The following SNTG1 variants were observed in gnomAD, a reference collection of about 807,000 sequenced individuals.
SNTG1 encodes the protein gamma-1-syntrophin.
A neutral mutation model predicts 74.7 loss-of-function variants in SNTG1; 39 were observed. That is an observed-to-expected ratio of 0.52 (90% CI 0.40 to 0.68). The LOEUF is 0.68. Ranked by LOEUF, SNTG1 falls within the 30% of genes least tolerant of loss-of-function variation. The probability of loss-of-function intolerance (pLI) is 0.00; values close to 1 mark genes in which losing one functional copy is unlikely to be tolerated. For missense variants in SNTG1, 685 were observed against 609.5 expected (o/e 1.12, Z -1.30); for synonymous variants, 254 against 217.1 (o/e 1.17, Z -1.49).
At chr8:49,979,833 T>G (rs1812519883) in intron 1 of SNTG1, among the ~76,000 whole-genome samples, 1 of 152,224 alleles carries the variant, frequency 6.6e-6, no homozygotes. Context: ...TGTGCGTGCG[T>G]GTGTGTGCAG....
At chr8:50,106,686 TTTTC>T (rs1424631439) in intron 1 of SNTG1, among the ~76,000 whole-genome samples, 1 of 152,182 alleles carries the variant, frequency 6.6e-6, no homozygotes, top group East Asian at 1.9e-4. Flanking sequence ...CTGTTTTTAG[TTTTC>T]TTTATGTGAT....
At chr8:50,707,743 C>A (rs984304851) in intron 16 of SNTG1, among the ~76,000 whole-genome samples, 3 of 151,994 alleles carry the variant, frequency 2.0e-5, no homozygotes, top group African/African-American at 7.3e-5. Context: ...GTACATGGAT[C>A]ACAAATATTT....
At chr8:50,040,810 T>C (rs2130813963) in intron 1 of SNTG1, among the ~76,000 whole-genome samples, 1 of 152,296 alleles carries the variant, frequency 6.6e-6, no homozygotes, top group East Asian at 1.9e-4. Context: ...TAGTTATTAA[T>C]TTCATTAGGG....
Position 50,009,714 on chromosome 8 carries a change from A to G in SNTG1, c.-103+97483A>G, listed in dbSNP as rs557760307. Among the ~76,000 whole-genome samples, 5 of 152,298 alleles carry G rather than the reference A, an allele frequency of 3.3e-5. No homozygotes were observed. The East Asian group carries it at 7.7e-4, about 24-fold the overall frequency. ...TATTTAGTCAAATAATAGTATGTAC[A>G]AGGCTGCCTGTGGTGGCTCACGCCT... is the stretch of plus-strand genomic sequence containing the variant. On this transcript the variant is annotated intron_variant, in intron 1 of 18. Transcript: ENST00000642720.
chr8:50,018,108 G>T (rs1416555181), intron 1 of SNTG1, among the ~76,000 whole-genome samples: 1 of 151,944 alleles, frequency 6.6e-6, no homozygotes, highest in African/African-American at 2.4e-5. Context: ...TTAATCTACA[G>T]ATCCTACATA....
chr8:50,048,642 G>T (rs1819303788), intron 1 of SNTG1, among the ~76,000 whole-genome samples: 1 of 152,080 alleles, frequency 6.6e-6, no homozygotes, highest in Non-Finnish European at 1.5e-5. Flanking sequence ...GAAAACTCTA[G>T]TTTTTTCACT....
intron 2 of SNTG1, among the ~76,000 whole-genome samples, chr8:50,184,910 A>C (rs781298875): frequency 6.6e-6 from 1 of 152,176 alleles, no homozygotes; most frequent in Non-Finnish European, 1.5e-5. Flanking sequence ...ATTACTGTGA[A>C]GATTCTCAAT....
At chr8:50,759,546 C>A (rs1348620075) in intron 18 of SNTG1, among the ~76,000 whole-genome samples, 1 of 152,022 alleles carries the variant, frequency 6.6e-6, no homozygotes, top group Non-Finnish European at 1.5e-5. Flanking sequence ...GTTTTCCCAG[C>A]ACCATTTATT....
chr8:49,975,709 C>G (rs1407933207), intron 1 of SNTG1, among the ~76,000 whole-genome samples: 2 of 151,998 alleles, frequency 1.3e-5, no homozygotes, highest in African/African-American at 2.4e-5. Flanking sequence ...GGAAAGATTT[C>G]TCCTGTTTTA....
intron 2 of SNTG1, among the ~76,000 whole-genome samples, chr8:50,347,080 C>G (rs2091500564): frequency 6.6e-6 from 1 of 152,222 alleles, no homozygotes; most frequent in South Asian, 2.1e-4. Context: ...GTAGGCAAAA[C>G]AGCCTTAAAT....
chr8:50,320,897 T>G (rs1563893157), intron 2 of SNTG1, among the ~76,000 whole-genome samples: 1 of 152,162 alleles, frequency 6.6e-6, no homozygotes, highest in Non-Finnish European at 1.5e-5. Context: ...TATTTCATTT[T>G]GTTAAATGTT....
intron 17 of SNTG1, among the ~76,000 whole-genome samples, chr8:50,745,310 C>T (rs2095552723): frequency 6.6e-6 from 1 of 151,894 alleles, no homozygotes; most frequent in Non-Finnish European, 1.5e-5. Flanking sequence ...ACATCACTAG[C>T]CATTAGTGAA....
At position 50,112,156 on chromosome 8, in the gene SNTG1, A is replaced by G. The variant is rs1033289364; in HGVS notation, c.-102-60405A>G. Reference sequence around the variant, plus strand: ...AGAAAAGATAGTTGGCATATATTTTATTTCAGAATATTATTAAGATATGAC... The same window carrying G: ...AGAAAAGATAGTTGGCATATATTTTGTTTCAGAATATTATTAAGATATGAC... On this transcript the variant is annotated intron_variant, in intron 1 of 18. Coordinates refer to ENST00000642720, the MANE Select transcript of SNTG1 (RefSeq NM_018967.5). Among the ~76,000 whole-genome samples the G allele has an allele frequency of 2.6e-5, 4 of 152,266 alleles. No individual in the cohort carries two copies. The East Asian group carries it at 7.7e-4, about 29-fold the overall frequency.
At chr8:50,781,298 G>A (rs1304522570) in intron 18 of SNTG1, among the ~76,000 whole-genome samples, 2 of 152,176 alleles carry the variant, frequency 1.3e-5, no homozygotes, top group Non-Finnish European at 2.9e-5. Flanking sequence ...AATGTTGACA[G>A]TGGGGTGTTA....
chr8:50,704,396 A>C (rs1327425313), intron 15 of SNTG1, among the ~76,000 whole-genome samples: 1 of 152,156 alleles, frequency 6.6e-6, no homozygotes, highest in Non-Finnish European at 1.5e-5. Context: ...TATTTTATGG[A>C]CATGCTTCAG....
intron 1 of SNTG1, among the ~76,000 whole-genome samples, chr8:50,003,467 C>T (rs1234066326): frequency 6.6e-6 from 1 of 151,928 alleles, no homozygotes; most frequent in Non-Finnish European, 1.5e-5. Context: ...TAATTAAATT[C>T]TTGAACTGAA....
At chr8:50,301,069 C>A (rs958518083) in intron 2 of SNTG1, among the ~76,000 whole-genome samples, 18 of 151,934 alleles carry the variant, frequency 1.2e-4, no homozygotes, top group African/African-American at 3.4e-4. Context: ...ATGTGCTTAT[C>A]CTATTTGGAG....
At chr8:50,279,658 C>T (rs765579883) in intron 2 of SNTG1, among the ~76,000 whole-genome samples, 1 of 152,048 alleles carries the variant, frequency 6.6e-6, no homozygotes, top group East Asian at 1.9e-4. Flanking sequence ...GAAAATCAAA[C>T]AAGTTTATTA....
chr8:50,770,172 G>T (rs1406987209), intron 18 of SNTG1, among the ~76,000 whole-genome samples: 1 of 152,050 alleles, frequency 6.6e-6, no homozygotes, highest in Non-Finnish European at 1.5e-5. Context: ...TGTGCCTTAG[G>T]CATTTTAAGA....
Sources: gnomAD v4.1 joint callset for allele counts (sites outside exome capture counted in the v4.1 genomes callset) on GRCh38, gnomAD v4.1.1 for gene constraint, MANE v1.5 for transcripts, NCBI Gene and HGNC (gene_info 2026-07-23, HGNC 2026-07-21) for gene names.